GABRG1: variants seen among roughly 807,000 people sequenced by gnomAD.
GABRG1 encodes gamma-aminobutyric acid type A receptor subunit gamma1, also known as gamma-aminobutyric acid receptor subunit gamma-1.
GABRG1 carries 49 observed loss-of-function variants against 49.8 expected under a neutral mutation model. That is an observed-to-expected ratio of 0.98 (90% CI 0.78 to 1.25). The LOEUF (loss-of-function observed/expected upper bound fraction) is 1.25. Among genes scored for constraint, GABRG1 ranks in the 50% most tolerant of loss-of-function variants. The pLI is 0.00. For missense variants in GABRG1, 552 were observed against 552.3 expected (o/e 1.00, Z 0.01); for synonymous variants, 232 against 185.1 (o/e 1.25, Z -2.06).
chr4:46,091,534 T>C (rs1346133537), intron 2 of GABRG1, among the ~76,000 whole-genome samples: 2 of 151,830 alleles, frequency 1.3e-5, no homozygotes, highest in African/African-American at 2.4e-5. Context: ...TATAAGAAAA[T>C]AGAAGAAAAG....
At chr4:46,123,067 TTCTC>T (rs139347395) in intron 1 of GABRG1, among the ~76,000 whole-genome samples, 36 of 143,922 alleles carry the variant, frequency 2.5e-4, no homozygotes, top group South Asian at 1.3e-3. Flanking sequence ...GGTGACACTT[TTCTC>T]TCTCTCTCTC....
intron 2 of GABRG1, among the ~76,000 whole-genome samples, chr4:46,084,377 A>G (rs1384555784): frequency 6.6e-6 from 1 of 151,632 alleles, no homozygotes; most frequent in African/African-American, 2.4e-5. Flanking sequence ...TTTTTCCTAT[A>G]TGACCGAGTA....
chr4:46,087,423 T>G (rs897955055), intron 2 of GABRG1, among the ~76,000 whole-genome samples: 1 of 151,546 alleles, frequency 6.6e-6, no homozygotes, highest in African/African-American at 2.4e-5. Context: ...CACAACAAAG[T>G]TAAAATAGAA....
At chr4:46,047,611 C>T (rs937907570) in intron 8 of GABRG1, among the ~76,000 whole-genome samples, 1 of 151,754 alleles carries the variant, frequency 6.6e-6, no homozygotes, top group East Asian at 1.9e-4. Flanking sequence ...TGTCTGTTTC[C>T]ACAAGAACAG....
At chr4:46,051,360 A>G (rs1718210870) in intron 8 of GABRG1, 64 bp downstream of exon 8, 1 of 1,242,444 alleles carries the variant, frequency 8.0e-7, no homozygotes. Flanking sequence ...ACACATAAAT[A>G]TTCAAAAGAG....
chr4:46,084,168 A>T, intron 2 of GABRG1, 115 bp from the exon 3 acceptor site: 1 of 616,354 alleles, frequency 1.6e-6, no homozygotes, highest in Non-Finnish European at 2.9e-6. Context: ...TCAATCATAA[A>T]ACATCTTTTA....
At chr4:46,104,299 A>G (rs1438360788) in intron 1 of GABRG1, among the ~76,000 whole-genome samples, 2 of 151,522 alleles carry the variant, frequency 1.3e-5, no homozygotes, top group Non-Finnish European at 3.0e-5. Context: ...GTAGATAATG[A>G]TGTAATCATC....
At chr4:46,108,620 G>A (rs1387318259) in intron 1 of GABRG1, among the ~76,000 whole-genome samples, 3 of 150,766 alleles carry the variant, frequency 2.0e-5, no homozygotes, top group Admixed American at 6.6e-5. Context: ...CTCCATGAGC[G>A]TGGGATTTTT....
At position 46,118,406 on chromosome 4, in the gene GABRG1, G is replaced by C. The variant is rs74867831; in HGVS notation, c.104+5404C>G. On this transcript the variant is annotated intron_variant, in intron 1 of 8. Transcript: ENST00000295452. ...TGGCAACTTCTTTATTGCTCCCACT[G>C]TACCTCCTCCAGAATTCTGAGTAGC... Among the ~76,000 whole-genome samples the C allele has an allele frequency of 5.3e-5, 8 of 150,420 alleles. No homozygotes were observed. The East Asian group carries it at 1.6e-3, about 30-fold the overall frequency.
rs377052373 is a variant in GABRG1, at chr4:46,114,745, C to T, written c.104+9065G>A. Among the ~76,000 whole-genome samples, 5 of 150,866 alleles carry T rather than the reference C, an allele frequency of 3.3e-5. No homozygotes were observed. In the East Asian group the frequency reaches 5.9e-4, roughly 18 times the overall value. On this transcript the variant is annotated intron_variant, in intron 1 of 8. Transcript: ENST00000295452. ...CATAACTAAAACTATAACTGTGGTC[C>T]TTAATTTAAAAATTATGGTAGATAA...
At chr4:46,115,756 G>T (rs1266291514) in intron 1 of GABRG1, among the ~76,000 whole-genome samples, 1 of 150,720 alleles carries the variant, frequency 6.6e-6, no homozygotes, top group Non-Finnish European at 1.5e-5. Flanking sequence ...AATTTAAATT[G>T]CTTTTAGCAC....
chr4:46,092,047 A>T (rs377509395), intron 2 of GABRG1, among the ~76,000 whole-genome samples: 1 of 152,200 alleles, frequency 6.6e-6, no homozygotes, highest in East Asian at 1.9e-4. Context: ...AAAGGAAATA[A>T]CAGGGTTTCC....
At chr4:46,120,290 T>A (rs2109448748) in intron 1 of GABRG1, among the ~76,000 whole-genome samples, 1 of 151,926 alleles carries the variant, frequency 6.6e-6, no homozygotes, top group African/African-American at 2.4e-5. Flanking sequence ...CAGTTTTTTT[T>A]ACTCTTTCTT....
chr4:46,091,356 T>C (rs888536780), intron 2 of GABRG1, among the ~76,000 whole-genome samples: 8 of 152,068 alleles, frequency 5.3e-5, no homozygotes, highest in African/African-American at 1.9e-4. Flanking sequence ...CTCCATTATT[T>C]TTCACATACC....
chr4:46,113,544 C>T (rs1484403922), intron 1 of GABRG1, among the ~76,000 whole-genome samples: 1 of 150,860 alleles, frequency 6.6e-6, no homozygotes. Flanking sequence ...CACCATAGCT[C>T]TAATTTAATT....
At chr4:46,056,150 T>TAAAAAAAAAAAAAAAAA (rs1491407033) in intron 7 of GABRG1, among the ~76,000 whole-genome samples, 6 of 46,020 alleles carry the variant, frequency 1.3e-4, no homozygotes, top group East Asian at 9.5e-4. Context: ...AATAAATAAA[T>TAAAAAAAAAAAAAAAAA]TAAAAAAAAA....
At chr4:46,118,225 G>A (rs910170477) in intron 1 of GABRG1, among the ~76,000 whole-genome samples, 2 of 146,086 alleles carry the variant, frequency 1.4e-5, no homozygotes, top group African/African-American at 5.1e-5. Context: ...TCAGATGTAA[G>A]GATATATATT....
chr4:46,045,756 C>T (rs933900971), intron 8 of GABRG1, among the ~76,000 whole-genome samples: 33 of 151,960 alleles, frequency 2.2e-4, no homozygotes, highest in African/African-American at 7.2e-4. Context: ...TTTGTAGAGA[C>T]GGGTTTCACC....
In GABRG1 at chr4:46,117,556, C is replaced by G. The variant is rs991446254; in HGVS notation, c.104+6254G>C. 3.6e-5 allele frequency among the ~76,000 whole-genome samples: 5 copies of G among 139,700 alleles called. No individual in the cohort carries two copies. The East Asian group carries it at 8.0e-4, about 22-fold the overall frequency. The allele number at this position is 139,700 out of a possible 152,430, so 91.6% of individuals were successfully genotyped here. On this transcript the variant is annotated intron_variant, in intron 1 of 8. Coordinates refer to ENST00000295452, the MANE Select transcript of GABRG1 (RefSeq NM_173536.4). ...AGATGGTAATGTTATCTCTGTCTCT[C>G]TCTCTCTCTCTCTCTCTCTCTCTCT...
Sources: gnomAD v4.1 joint callset for allele counts (sites outside exome capture counted in the v4.1 genomes callset) on GRCh38, gnomAD v4.1.1 for gene constraint, MANE v1.5 for transcripts, NCBI Gene and HGNC (gene_info 2026-07-23, HGNC 2026-07-21) for gene names.